Variants in CATSPERB observed in about 807,000 individuals in gnomAD.
CATSPERB encodes cation channel sperm-associated auxiliary subunit beta.
Under a neutral mutation model 128.3 loss-of-function variants are expected in CATSPERB, and 93 were observed. The ratio of observed to expected loss-of-function variants is 0.72; its 90% confidence interval spans 0.61 to 0.86. The LOEUF is 0.86. Among genes scored for constraint, CATSPERB ranks in the 40% least tolerant of loss-of-function variants. CATSPERB has a pLI of 0.00. For synonymous variants in CATSPERB, 381 were observed against 448.8 expected, an observed-to-expected ratio of 0.85 and a Z score of 1.91; for missense variants, 1,153 against 1,329.5, an observed-to-expected ratio of 0.87 and a Z score of 2.06.
At chr14:91,592,073 T>C in intron 22 of CATSPERB, 71 bp from the exon 23 acceptor site, 1 of 906,486 alleles carries the variant, frequency 1.1e-6, no homozygotes, top group Non-Finnish European at 1.8e-6. Flanking sequence ...GATAAATATC[T>C]AATAAATATT....
chr14:91,681,645 T>C (rs1895282960), intron 11 of CATSPERB, among the ~76,000 whole-genome samples: 1 of 152,254 alleles, frequency 6.6e-6, no homozygotes, highest in South Asian at 2.1e-4. Context: ...GCATCAGTTT[T>C]CTGCTTCCAG....
At chr14:91,708,320 A>C (rs1566737213) in intron 5 of CATSPERB, 84 bp from the exon 6 acceptor site, 9 of 810,454 alleles carry the variant, frequency 1.1e-5, no homozygotes, top group Non-Finnish European at 1.8e-5. Flanking sequence ...AACATTACCA[A>C]CAATGATAGC....
chr14:91,596,387 T>C (rs1893506113), intron 22 of CATSPERB, among the ~76,000 whole-genome samples: 1 of 152,002 alleles, frequency 6.6e-6, no homozygotes, highest in South Asian at 2.1e-4. Flanking sequence ...GTATTTTTAG[T>C]AGAGATGGGG....
chr14:91,679,490 G>A (rs564696443), intron 11 of CATSPERB, among the ~76,000 whole-genome samples: 24 of 152,200 alleles, frequency 1.6e-4, no homozygotes, highest in African/African-American at 5.1e-4. Context: ...TATATCAGAT[G>A]TAAGATTTTA....
intron 22 of CATSPERB, among the ~76,000 whole-genome samples, chr14:91,600,466 T>C (rs1255809818): frequency 6.6e-6 from 1 of 152,242 alleles, no homozygotes; most frequent in Admixed American, 6.5e-5. Context: ...CTGGGTAATT[T>C]ATAAAGAAAA....
In CATSPERB at chr14:91,665,340, C is replaced by T. The variant is rs189947210; in HGVS notation, c.1287+4474G>A. Among the ~76,000 whole-genome samples, 51 of 152,248 alleles carry T rather than the reference C, an allele frequency of 3.3e-4. 1 individual carries two copies. Among genetic ancestry groups the T allele is most frequent in the Non-Finnish European group, 7.4e-4 (50 of 68,022 alleles). ...TCTAGAACAAAAGACAATGAAGCAA[C>T]CACTTTTTCAAAAAATGACAGAAAA... is the stretch of plus-strand genomic sequence containing the variant. On this transcript the variant is annotated intron_variant, in intron 14 of 26. Transcript: ENST00000256343.
intron 22 of CATSPERB, among the ~76,000 whole-genome samples, chr14:91,596,345 A>C (rs2139764256): frequency 6.6e-6 from 1 of 152,046 alleles, no homozygotes; most frequent in East Asian, 1.9e-4. Context: ...CTGGGACTAC[A>C]GGCGCCTGCC....
chr14:91,716,916 C>A (rs972588960), intron 5 of CATSPERB, among the ~76,000 whole-genome samples: 1 of 152,100 alleles, frequency 6.6e-6, no homozygotes, highest in African/African-American at 2.4e-5. Context: ...TAGCTAAATG[C>A]AACAAAAATT....
intron 22 of CATSPERB, chr14:91,605,327 T>C (rs1380566546): frequency 9.3e-6 from 7 of 754,922 alleles, no homozygotes; most frequent in Admixed American, 4.4e-5. Flanking sequence ...CATGTTATTA[T>C]TGGGGAAGAG....
chr14:91,707,766 CTT>C (rs76649759), intron 6 of CATSPERB, among the ~76,000 whole-genome samples: 23 of 128,012 alleles, frequency 1.8e-4, no homozygotes, highest in Admixed American at 1.6e-4. Flanking sequence ...GCCTGGTTAA[CTT>C]TTTTTTTTTT....
chr14:91,641,348 T>C (rs1428559126), intron 15 of CATSPERB, among the ~76,000 whole-genome samples: 6 of 147,134 alleles, frequency 4.1e-5, no homozygotes, highest in East Asian at 2.1e-4. Flanking sequence ...TAGGTTTTCT[T>C]CTAGGGTTTT....
intron 10 of CATSPERB, among the ~76,000 whole-genome samples, chr14:91,684,365 T>C (rs778521076): frequency 6.6e-6 from 1 of 152,200 alleles, no homozygotes. Flanking sequence ...GTTTTGAAAA[T>C]TGGTCATGAG....
rs1359051676 is a variant in CATSPERB, at chr14:91,673,100, T to C, written c.979-84A>G. 34 of 1,180,324 alleles carry C rather than the reference T, an allele frequency of 2.9e-5. No homozygotes were observed. In the Admixed American group the frequency reaches 9.4e-4, roughly 33 times the overall value. 73.1% of individuals were successfully genotyped at this position (1,180,324 alleles called of 1,614,324 possible). A position where few individuals can be genotyped will look rare whatever the true frequency, so the allele number is the denominator to read the frequency against. On this transcript the variant is annotated intron_variant, in intron 12 of 26. Transcript: ENST00000256343. The stretch of plus-strand genomic sequence containing the variant: ...TTAGTGAAACTAGCCCACTTGTTCA[T>C]AGAAGTAATATTTACAGTTTTTTGA...
intron 10 of CATSPERB, 106 bp downstream of exon 10, chr14:91,691,417 G>A (rs1457485223): frequency 3.3e-6 from 2 of 612,516 alleles, no homozygotes; most frequent in Non-Finnish European, 5.4e-6. Context: ...AAATAATATA[G>A]TAACTGGAAT....
chr14:91,676,220 AC>A (rs1895191106), intron 11 of CATSPERB, among the ~76,000 whole-genome samples: 1 of 152,104 alleles, frequency 6.6e-6, no homozygotes. Context: ...GCCTATTGGG[AC>A]CATGAATGGT....
chr14:91,627,760 G>A (rs1894194933), intron 17 of CATSPERB, among the ~76,000 whole-genome samples: 1 of 152,174 alleles, frequency 6.6e-6, no homozygotes, highest in Non-Finnish European at 1.5e-5. Context: ...TTGAGGCCAG[G>A]AGTTGGAGAC....
At chr14:91,593,893 A>ACCT (rs1893453448) in intron 22 of CATSPERB, among the ~76,000 whole-genome samples, 1 of 115,628 alleles carries the variant, frequency 8.6e-6, no homozygotes, top group African/African-American at 3.2e-5. Flanking sequence ...CCCAGGGGGA[A>ACCT]GTCATTGAAT....
At chr14:91,691,589 G>C in intron 9 of CATSPERB, 34 bp from the exon 10 acceptor site, 1 of 1,573,238 alleles carries the variant, frequency 6.4e-7, no homozygotes, top group Non-Finnish European at 8.7e-7. Context: ...ATTTTTGCTT[G>C]CATATCAGAA....
At chr14:91,729,304 G>A (rs529749361) in intron 2 of CATSPERB, 97 bp downstream of exon 2, 4 of 507,566 alleles carry the variant, frequency 7.9e-6, no homozygotes, top group East Asian at 3.3e-5. Context: ...AGATAAAGAA[G>A]AAATACTAAA....
Sources: gnomAD v4.1 joint callset for allele counts (sites outside exome capture counted in the v4.1 genomes callset) on GRCh38, gnomAD v4.1.1 for gene constraint, MANE v1.5 for transcripts, NCBI Gene and HGNC (gene_info 2026-07-23, HGNC 2026-07-21) for gene names.